The following DCC variants were observed in gnomAD, a reference collection of about 807,000 sequenced individuals.
DCC encodes the protein netrin receptor DCC.
In DCC, 58 loss-of-function variants were observed where a neutral mutation model predicts 172.5. That is an observed-to-expected ratio of 0.34 (90% CI 0.27 to 0.42). The LOEUF is 0.42. DCC is among the 10% of genes least tolerant of loss of function. The pLI is 1.00. For synonymous variants in DCC, 709 were observed against 644.5 expected, an observed-to-expected ratio of 1.10 and a Z score of -1.52; for missense variants, 1,740 against 1,791.0, an observed-to-expected ratio of 0.97 and a Z score of 0.51.
At chr18:53,252,464 T>G (rs1255156015) in intron 12 of DCC, among the ~76,000 whole-genome samples, 4 of 151,930 alleles carry the variant, frequency 2.6e-5, no homozygotes, top group Admixed American at 1.3e-4. Flanking sequence ...TATCTTAAAT[T>G]TAATACTTAT....
intron 1 of DCC, among the ~76,000 whole-genome samples, chr18:52,451,630 C>T (rs1378871463): frequency 1.3e-5 from 2 of 152,030 alleles, no homozygotes; most frequent in Non-Finnish European, 2.9e-5. Context: ...CTTTTGGTTG[C>T]AAGTAATAGG....
At chr18:53,286,628 G>A (rs562372990) in intron 12 of DCC, among the ~76,000 whole-genome samples, 15 of 152,288 alleles carry the variant, frequency 9.8e-5, no homozygotes, top group African/African-American at 3.1e-4. Context: ...TTGATGCAAT[G>A]GAGTAGGACT....
intron 9 of DCC, among the ~76,000 whole-genome samples, chr18:53,199,501 A>G (rs970939569): frequency 6.6e-6 from 1 of 152,156 alleles, no homozygotes; most frequent in African/African-American, 2.4e-5. Flanking sequence ...AATATACTTT[A>G]TGGATATGGA....
intron 2 of DCC, among the ~76,000 whole-genome samples, chr18:52,829,967 G>C (rs991588657): frequency 3.9e-5 from 6 of 152,106 alleles, no homozygotes; most frequent in Non-Finnish European, 8.8e-5. Context: ...GATGACATTT[G>C]AGTGAAGATC....
intron 1 of DCC, among the ~76,000 whole-genome samples, chr18:52,511,454 C>T (rs932753664): frequency 6.6e-6 from 1 of 152,000 alleles, no homozygotes; most frequent in African/African-American, 2.4e-5. Context: ...AAAGAAGGTA[C>T]CAAAAGTGTG....
intron 12 of DCC, among the ~76,000 whole-genome samples, chr18:53,266,174 T>C (rs1311466188): frequency 6.6e-6 from 1 of 152,196 alleles, no homozygotes; most frequent in Non-Finnish European, 1.5e-5. Context: ...TCACTACACA[T>C]TTCATACCTG....
chr18:53,215,085 T>C (rs2144577780), intron 11 of DCC, among the ~76,000 whole-genome samples: 1 of 152,324 alleles, frequency 6.6e-6, no homozygotes, highest in Admixed American at 6.5e-5. Flanking sequence ...TTTTAAGAGC[T>C]AATAAAGTTT....
At chr18:53,460,785 G>T (rs1225152161) in intron 24 of DCC, among the ~76,000 whole-genome samples, 1 of 152,052 alleles carries the variant, frequency 6.6e-6, no homozygotes, top group Non-Finnish European at 1.5e-5. Context: ...TAGTCCTTTG[G>T]GTATATCCCC....
chr18:52,583,598 TG>T (rs937705002), intron 1 of DCC, among the ~76,000 whole-genome samples: 1 of 152,202 alleles, frequency 6.6e-6, no homozygotes, highest in Non-Finnish European at 1.5e-5. Flanking sequence ...TAGCTTTTCT[TG>T]GCAAAGTTTA....
chr18:52,867,588 A>T (rs778841303), intron 2 of DCC, among the ~76,000 whole-genome samples: 2 of 151,582 alleles, frequency 1.3e-5, no homozygotes, highest in Non-Finnish European at 2.9e-5. Flanking sequence ...CAGTGATTTG[A>T]CTTTTTCCTG....
At chr18:52,678,847 C>T (rs978895239) in intron 1 of DCC, among the ~76,000 whole-genome samples, 7 of 152,048 alleles carry the variant, frequency 4.6e-5, no homozygotes, top group African/African-American at 1.7e-4. Flanking sequence ...CTGTTTTTCT[C>T]GCCCCATCCT....
chr18:53,495,641 C>T (rs917553978), intron 26 of DCC, among the ~76,000 whole-genome samples: 1 of 152,038 alleles, frequency 6.6e-6, no homozygotes, highest in Non-Finnish European at 1.5e-5. Flanking sequence ...TTATGGTGTT[C>T]TCTGTATTTC....
At chr18:53,013,317 A>G (rs1465916010) in intron 5 of DCC, among the ~76,000 whole-genome samples, 2 of 152,124 alleles carry the variant, frequency 1.3e-5, no homozygotes, top group Non-Finnish European at 2.9e-5. Context: ...TAATTGATAG[A>G]CTAGATAAAG....
chr18:52,420,313 C>G (rs1987203727), intron 1 of DCC, among the ~76,000 whole-genome samples: 1 of 152,110 alleles, frequency 6.6e-6, no homozygotes, highest in Non-Finnish European at 1.5e-5. Context: ...TCTGGAATGC[C>G]CAGACTGTGC....
intron 15 of DCC, among the ~76,000 whole-genome samples, chr18:53,367,479 A>C (rs1599071475): frequency 6.6e-6 from 1 of 152,212 alleles, no homozygotes; most frequent in East Asian, 1.9e-4. Flanking sequence ...TAAGTCCTAC[A>C]TAGATATCAT....
chr18:53,047,262 AT>A (rs1298672773), intron 5 of DCC, among the ~76,000 whole-genome samples: 4 of 13,238 alleles, frequency 3.0e-4, no homozygotes, highest in East Asian at 2.3e-3. Flanking sequence ...ATATATATAT[AT>A]ATATATATAT....
At chr18:53,461,239 C>T (rs1380354164) in intron 24 of DCC, among the ~76,000 whole-genome samples, 1 of 151,248 alleles carries the variant, frequency 6.6e-6, no homozygotes, top group Non-Finnish European at 1.5e-5. Flanking sequence ...GTTGCCTGTT[C>T]ACTCTGATGG....
chr18:53,097,879 A>T (rs1006672017), intron 7 of DCC, among the ~76,000 whole-genome samples: 2 of 152,124 alleles, frequency 1.3e-5, no homozygotes, highest in African/African-American at 4.8e-5. Flanking sequence ...ATTGGATTAG[A>T]GTCTCACTGT....
intron 3 of DCC, among the ~76,000 whole-genome samples, chr18:52,918,297 C>G (rs12457812): frequency 6.6e-6 from 1 of 151,922 alleles, no homozygotes; most frequent in African/African-American, 2.4e-5. Flanking sequence ...GCCCATATAA[C>G]GAGAACACAA....
Sources: gnomAD v4.1 joint callset for allele counts (sites outside exome capture counted in the v4.1 genomes callset) on GRCh38, gnomAD v4.1.1 for gene constraint, MANE v1.5 for transcripts, NCBI Gene and HGNC (gene_info 2026-07-23, HGNC 2026-07-21) for gene names.